ASAH1: variants seen among roughly 807,000 people sequenced by gnomAD.
ASAH1 encodes acid ceramidase.
In ASAH1, 70 loss-of-function variants were observed where a neutral mutation model predicts 59.5. That is an observed-to-expected ratio of 1.18 (90% CI 0.97 to 1.43). The LOEUF (loss-of-function observed/expected upper bound fraction) is 1.43. Ranked by LOEUF, ASAH1 falls within the 40% of genes most tolerant of loss-of-function variation. ASAH1 has a pLI of 0.00. For synonymous variants in ASAH1, 213 were observed against 166.5 expected (o/e 1.28, Z -2.15); for missense variants, 660 against 482.5 (o/e 1.37, Z -3.45).
chr8:18,075,234 T>C (rs1049349348), intron 2 of ASAH1, among the ~76,000 whole-genome samples: 8 of 152,058 alleles, frequency 5.3e-5, no homozygotes, highest in African/African-American at 1.9e-4. Context: ...ACCTTATGAT[T>C]TACCCGCCTC....
chr8:18,058,924 G>A, intron 12 of ASAH1, 33 bp from the exon 13 acceptor site: 2 of 1,578,072 alleles, frequency 1.3e-6, no homozygotes, highest in Non-Finnish European at 1.7e-6. Context: ...TGTTCAGTAA[G>A]TTAAATACAG....
At chr8:18,060,033 C>T (rs565497041) in intron 10 of ASAH1, 7 of 256,228 alleles carry the variant, frequency 2.7e-5, no homozygotes, top group Middle Eastern at 1.4e-3. Context: ...ATGCAGTGTT[C>T]GGTTTTCTGT....
intron 1 of ASAH1, 84 bp from the exon 2 acceptor site, chr8:18,075,671 A>G: frequency 7.9e-7 from 1 of 1,265,130 alleles, no homozygotes; most frequent in South Asian, 1.2e-5. Context: ...TTAATCTGTG[A>G]AGACAACATC....
intron 1 of ASAH1, among the ~76,000 whole-genome samples, chr8:18,079,470 T>A (rs116261431): frequency 0.021 from 3,113 of 151,556 alleles, 103 homozygotes; most frequent in African/African-American, 0.072. Context: ...AAAGAGAACA[T>A]TAAGGTCTCA....
chr8:18,083,926 C>G, intron 1 of ASAH1, 55 bp downstream of exon 1: 1 of 1,564,304 alleles, frequency 6.4e-7, no homozygotes, highest in Non-Finnish European at 8.6e-7. Context: ...CCTGCGCCTC[C>G]ATCCGCGCCC....
intron 5 of ASAH1, chr8:18,065,882 T>TTA (rs148853633): frequency 9.1e-5 from 13 of 143,644 alleles, no homozygotes; most frequent in Middle Eastern, 7.1e-3. Context: ...CAGATACACA[T>TTA]TGTGTGTGTG....
chr8:18,059,643 G>T lies in ASAH1; in HGVS notation c.846C>A (p.Ile282=). 2 of 1,614,136 alleles carry T rather than the reference G, an allele frequency of 1.2e-6. No homozygotes were observed. Among genetic ancestry groups the T allele is most frequent in the Non-Finnish European group, 1.7e-6 (2 of 1,180,008 alleles). ...CTTCCCCAGACTGGTTGCCTCCCAG[G>T]ATAAAGTAGGCTGGGGCCAATATCT... The part of the protein sequence containing the change: ...KTKILAPAYF[I]LGGNQSGEGC... The change falls in exon 11 of 14, where the codon ATC becomes ATA. Residue 282 remains isoleucine (I), a synonymous_variant. Transcript: ENST00000637790.
chr8:18,063,978 G>A (rs899991472), intron 6 of ASAH1: 5 of 191,576 alleles, frequency 2.6e-5, no homozygotes, highest in Admixed American at 5.4e-5. Context: ...GTGAGTTAGC[G>A]AAGTTGTCCT....
upstream of ASAH1, chr8:18,084,163 G>C: frequency 6.4e-7 from 1 of 1,556,194 alleles, no homozygotes; most frequent in Non-Finnish European, 8.6e-7. Context: ...CCGCGACCTG[G>C]GACCGCACCA....
rs370339963 is a variant in ASAH1, at chr8:18,072,992, C to T, written c.126-1602G>A. 7.9e-5 allele frequency among the ~76,000 whole-genome samples: 12 copies of T among 152,074 alleles called. No homozygotes were observed. The East Asian group carries it at 1.9e-3, about 25-fold the overall frequency. On this transcript the variant is annotated intron_variant, in intron 2 of 13. Coordinates refer to ENST00000637790, the MANE Select transcript of ASAH1 (RefSeq NM_177924.5). ...GGTAGGTTCATGGATCTCAGAGACG[C>T]GATGAGAGGGGATGAACACAACACA...
At chr8:18,059,165 G>A (rs1799584666) in intron 12 of ASAH1, 176 bp downstream of exon 12, 6 of 962,682 alleles carry the variant, frequency 6.2e-6, no homozygotes, top group South Asian at 1.6e-5. Context: ...GGAAAGTACA[G>A]CACAATTTTG....
chr8:18,071,300 C>G lies in ASAH1; in HGVS notation c.216G>C (p.Val72=). The G allele has an allele frequency of 6.5e-7, 1 of 1,549,432 alleles. No individual in the cohort carries two copies. The change falls in exon 3 of 14, where the codon GTG becomes GTC. Residue 72 remains valine, a splice_region_variant and synonymous_variant. Transcript: ENST00000637790. ...AAAAGATTTAAGCATCATAGCATAC[C>G]ACTGGTGCCTTGTCAAGCATCAATT... The part of the protein sequence containing the change: ...WHELMLDKAP[V]LKVIVNSLKN...
intron 7 of ASAH1, 85 bp from the exon 8 acceptor site, chr8:18,062,508 G>C (rs767741196): frequency 8.2e-6 from 12 of 1,455,624 alleles, no homozygotes; most frequent in Non-Finnish European, 1.2e-5. Context: ...CATTACACTA[G>C]GAGCTTTATT....
chr8:18,060,006 C>G, intron 10 of ASAH1: 1 of 330,282 alleles, frequency 3.0e-6, no homozygotes. Flanking sequence ...GTTCAGCTCT[C>G]ACTTATGAGT....
chr8:18,083,094 CA>C (rs1800726196), intron 1 of ASAH1: 1 of 152,194 alleles, frequency 6.6e-6, no homozygotes. Flanking sequence ...AGACAATGCA[CA>C]TCTTGCTTCC....
Position 18,064,453 on chromosome 8 carries a change from T to C in ASAH1, c.457+4A>G, listed in dbSNP as rs767864356. On this transcript the variant is annotated splice_donor_region_variant and intron_variant, in intron 6 of 13. Coordinates refer to ENST00000637790, the MANE Select transcript of ASAH1 (RefSeq NM_177924.5). ...CTGCCCACCCTCCCTCAGCGCACAA[T>C]TACCTTTTTTGTCTTCTGCTACTAT... The C allele has an allele frequency of 6.5e-7, 1 of 1,543,192 alleles. No homozygotes were observed. The highest frequency in any genetic ancestry group is 1.1e-5 in the South Asian group (1 of 89,058).
At chr8:18,077,352 T>C (rs1800447608) in intron 1 of ASAH1, among the ~76,000 whole-genome samples, 1 of 152,250 alleles carries the variant, frequency 6.6e-6, no homozygotes. Flanking sequence ...TCCGCCTTTT[T>C]CTACTCACAA....
At chr8:18,083,014 A>G (rs147629904) in intron 1 of ASAH1, 3 of 152,320 alleles carry the variant, frequency 2.0e-5, no homozygotes, top group African/African-American at 7.2e-5. Context: ...GCTGAACATT[A>G]TATCAATTTT....
At chr8:18,080,331 G>A (rs1800598762) in intron 1 of ASAH1, among the ~76,000 whole-genome samples, 1 of 152,152 alleles carries the variant, frequency 6.6e-6, no homozygotes. Flanking sequence ...TATGAAGTGG[G>A]TCAGATTTAT....
Sources: gnomAD v4.1 joint callset for allele counts (sites outside exome capture counted in the v4.1 genomes callset) on GRCh38, gnomAD v4.1.1 for gene constraint, MANE v1.5 for transcripts, NCBI Gene and HGNC (gene_info 2026-07-23, HGNC 2026-07-21) for gene names.